Variants in ASTN2 observed in about 807,000 individuals in gnomAD.
ASTN2 encodes the protein astrotactin-2.
A neutral mutation model predicts 139.8 loss-of-function variants in ASTN2; 54 were observed. That is an observed-to-expected ratio of 0.39 (90% CI 0.31 to 0.48). The LOEUF (loss-of-function observed/expected upper bound fraction) is 0.48. ASTN2 is among the 20% of genes least tolerant of loss of function. The pLI is 0.95. For missense variants in ASTN2, 1,565 were observed against 1,725.1 expected (o/e 0.91, Z 1.64); for synonymous variants, 756 against 719.5 (o/e 1.05, Z -0.81).
chr9:116,530,334 T>G (rs1409265529), intron 19 of ASTN2, among the ~76,000 whole-genome samples: 1 of 151,406 alleles, frequency 6.6e-6, no homozygotes, highest in African/African-American at 2.4e-5. Context: ...GGTTACTACA[T>G]GTTACCACTT....
At chr9:116,632,226 A>T (rs1856823187) in intron 17 of ASTN2, among the ~76,000 whole-genome samples, 1 of 139,424 alleles carries the variant, frequency 7.2e-6, no homozygotes. Context: ...AGAAAGAAAG[A>T]AAGAAAGAAA....
chr9:117,260,929 AC>A (rs1478359735), intron 2 of ASTN2, among the ~76,000 whole-genome samples: 4 of 152,236 alleles, frequency 2.6e-5, no homozygotes, highest in African/African-American at 7.2e-5. Flanking sequence ...AGTATGCTAC[AC>A]AAATACTCCA....
At chr9:117,043,345 G>C (rs1015824196) in intron 5 of ASTN2, among the ~76,000 whole-genome samples, 2 of 152,114 alleles carry the variant, frequency 1.3e-5, no homozygotes, top group African/African-American at 4.8e-5. Context: ...AGTGAGTCAT[G>C]GATAATAGCA....
At chr9:116,873,202 C>G (rs552333673) in intron 10 of ASTN2, among the ~76,000 whole-genome samples, 1 of 152,248 alleles carries the variant, frequency 6.6e-6, no homozygotes, top group African/African-American at 2.4e-5. Flanking sequence ...AACTCAGGCA[C>G]CATTTTGAGG....
chr9:116,932,626 C>T (rs1387403540), intron 10 of ASTN2, among the ~76,000 whole-genome samples: 1 of 152,010 alleles, frequency 6.6e-6, no homozygotes, highest in Non-Finnish European at 1.5e-5. Flanking sequence ...ATCAGGGACG[C>T]AGGAACAGAA....
Position 117,291,466 on chromosome 9 carries a change from G to T in ASTN2, c.490C>A (p.Gln164Lys), listed in dbSNP as rs763481948. The change falls in exon 2 of 23, where the codon CAG becomes AAG. Residue 164 changes from glutamine (Q) to lysine (K), a missense_variant. Coordinates refer to ENST00000313400, the MANE Select transcript of ASTN2 (RefSeq NM_001365068.1). ...TACAAGGTGCCATTCTCCAGCCACT[G>T]CTGTCTCCAGTGCACCAGCGAGATG... ...ADISLVHWRQQWLENGTLYFH... is the reference protein window; with the variant it reads ...ADISLVHWRQKWLENGTLYFH... The T allele has an allele frequency of 1.2e-6, 2 of 1,613,796 alleles. No homozygotes were observed. The highest frequency in any genetic ancestry group is 2.2e-5 in the East Asian group (1 of 44,876).
chr9:116,982,892 G>A (rs1277117460), intron 7 of ASTN2, among the ~76,000 whole-genome samples: 1 of 152,162 alleles, frequency 6.6e-6, no homozygotes, highest in Non-Finnish European at 1.5e-5. Flanking sequence ...CCTGCTGAAG[G>A]AGGTATGGGC....
At chr9:116,665,908 G>C (rs1470473024) in intron 16 of ASTN2, among the ~76,000 whole-genome samples, 2 of 152,136 alleles carry the variant, frequency 1.3e-5, no homozygotes, top group African/African-American at 2.4e-5. Flanking sequence ...GTTACTACTG[G>C]AGACTGCTAG....
intron 6 of ASTN2, among the ~76,000 whole-genome samples, chr9:117,020,373 A>G (rs1390368917): frequency 6.6e-6 from 1 of 151,916 alleles, no homozygotes; most frequent in African/African-American, 2.4e-5. Context: ...CTAATTGCCA[A>G]GAATATGTTC....
At chr9:117,052,914 T>C (rs1199865806) in intron 5 of ASTN2, among the ~76,000 whole-genome samples, 1 of 152,164 alleles carries the variant, frequency 6.6e-6, no homozygotes, top group East Asian at 1.9e-4. Flanking sequence ...CCAAAGAGAA[T>C]AACCAGGATT....
intron 19 of ASTN2, among the ~76,000 whole-genome samples, chr9:116,495,135 A>C (rs911952280): frequency 2.6e-5 from 4 of 152,228 alleles, no homozygotes; most frequent in Admixed American, 2.0e-4. Flanking sequence ...GCTCCAAAAA[A>C]AGGGAATAGT....
chr9:117,337,498 T>C (rs1207223631), intron 1 of ASTN2, among the ~76,000 whole-genome samples: 1 of 152,208 alleles, frequency 6.6e-6, no homozygotes, highest in Non-Finnish European at 1.5e-5. Flanking sequence ...CAAGCATTGT[T>C]CTTTTCATTC....
intron 10 of ASTN2, among the ~76,000 whole-genome samples, chr9:116,946,208 T>C (rs1835389966): frequency 6.6e-6 from 1 of 152,166 alleles, no homozygotes; most frequent in African/African-American, 2.4e-5. Context: ...AGCCAAACCA[T>C]ATCAACACCT....
At chr9:117,091,469 G>A (rs1455135700) in intron 5 of ASTN2, among the ~76,000 whole-genome samples, 1 of 152,180 alleles carries the variant, frequency 6.6e-6, no homozygotes, top group Admixed American at 6.5e-5. Context: ...AGTCTACAAA[G>A]GGGGGTACAG....
chr9:116,498,066 G>C (rs1849725577), intron 19 of ASTN2, among the ~76,000 whole-genome samples: 1 of 152,158 alleles, frequency 6.6e-6, no homozygotes, highest in African/African-American at 2.4e-5. Flanking sequence ...TGATGAAAAA[G>C]CATAGTATCT....
At chr9:117,071,458 C>T (rs943813524) in intron 5 of ASTN2, among the ~76,000 whole-genome samples, 17 of 150,808 alleles carry the variant, frequency 1.1e-4, no homozygotes, top group Admixed American at 6.6e-5. Flanking sequence ...TTACTGCTGT[C>T]TTTTTGTTTG....
intron 17 of ASTN2, among the ~76,000 whole-genome samples, chr9:116,632,252 G>GAAAGAAGGAAAGAAAGAAAGAAA (rs1856833378): frequency 1.4e-5 from 1 of 70,924 alleles, no homozygotes; most frequent in Non-Finnish European, 2.5e-5. Flanking sequence ...AAAGAAAGAA[G>GAAAGAAGGAAAGAAAGAAAGAAA]GAAAGAAAGA....
intron 19 of ASTN2, among the ~76,000 whole-genome samples, chr9:116,556,795 T>C (rs964676879): frequency 6.6e-6 from 1 of 152,190 alleles, no homozygotes; most frequent in Non-Finnish European, 1.5e-5. Context: ...ACCCACTTTA[T>C]CCACTTGTTT....
intron 4 of ASTN2, among the ~76,000 whole-genome samples, chr9:117,118,115 G>A (rs560094476): frequency 2.4e-4 from 37 of 152,270 alleles, no homozygotes; most frequent in Admixed American, 2.4e-3. Context: ...CTACATCCTG[G>A]TTCTATCAGT....
Sources: gnomAD v4.1 joint callset for allele counts (sites outside exome capture counted in the v4.1 genomes callset) on GRCh38, gnomAD v4.1.1 for gene constraint, MANE v1.5 for transcripts, NCBI Gene and HGNC (gene_info 2026-07-23, HGNC 2026-07-21) for gene names.